The following AQP1 variants were observed in gnomAD, a reference collection of about 807,000 sequenced individuals.
The protein encoded by AQP1 is aquaporin-1.
In AQP1, 11 loss-of-function variants were observed where a neutral mutation model predicts 19.7. The observed-to-expected ratio is 0.56, with a 90% CI of 0.35 to 0.92. The LOEUF is 0.92. Among genes scored for constraint, AQP1 ranks in the 40% least tolerant of loss-of-function variants. The pLI is 0.01. For missense variants in AQP1, 320 were observed against 369.7 expected, an observed-to-expected ratio of 0.87 and a Z score of 1.10; for synonymous variants, 159 against 166.7, an observed-to-expected ratio of 0.95 and a Z score of 0.36.
chr7:30,923,942 G>T lies in AQP1; in HGVS notation c.*313G>T. The T allele has an allele frequency of 7.0e-7, 1 of 1,427,458 alleles. No homozygotes were observed. 88.4% of individuals were successfully genotyped at this position (1,427,458 alleles called of 1,614,324 possible). A position where few individuals can be genotyped will look rare whatever the true frequency, so the allele number is the denominator to read the frequency against. On this transcript the variant is annotated 3_prime_UTR_variant, in exon 4 of 4. Coordinates refer to ENST00000311813, the MANE Select transcript of AQP1 (RefSeq NM_198098.4). This position sits in a 1 kb window ranked among gnomAD's most constrained non-coding sequence, Gnocchi z 4.8. ...TCAGAGCATGATGGGAGGTGTGCCA[G>T]AAAGTCCCCCCTCGCCCCAAAGTTG...
intron 1 of AQP1, chr7:30,913,282 G>C (rs1791217318): frequency 6.6e-6 from 1 of 152,226 alleles, no homozygotes; most frequent in Non-Finnish European, 1.5e-5. Flanking sequence ...GCCTTTCCCA[G>C]CTCCTCAGAC....
At chr7:30,921,104 AT>A (rs1207854695) in intron 1 of AQP1, among the ~76,000 whole-genome samples, 1 of 152,200 alleles carries the variant, frequency 6.6e-6, no homozygotes, top group Non-Finnish European at 1.5e-5. Context: ...TCAAGTGGGC[AT>A]CTTTGCAAGT....
intron 1 of AQP1, among the ~76,000 whole-genome samples, chr7:30,917,551 G>A (rs1390754028): frequency 6.6e-6 from 1 of 152,170 alleles, no homozygotes; most frequent in Non-Finnish European, 1.5e-5. Context: ...CTATGTGGGT[G>A]TGTGACACAG....
chr7:30,913,792 G>A (rs1020389001), intron 1 of AQP1, among the ~76,000 whole-genome samples: 7 of 152,162 alleles, frequency 4.6e-5, no homozygotes, highest in African/African-American at 1.7e-4. Context: ...CAGTTTAGAC[G>A]TGGCCGCGGG....
Position 30,912,303 on chromosome 7 carries a change from G to T in AQP1, c.384+10G>T, listed in dbSNP as rs755295041. ...GCTTGGCCGCAATGACGTGAGTGGG[G>T]TGTCCCTGGGCTTGGGGGGGTTCTA... On this transcript the variant is annotated intron_variant, in intron 1 of 3. Transcript: ENST00000311813. The surrounding 1 kb of genome is among the most constrained non-coding windows in gnomAD (Gnocchi z 4.3). The T allele has an allele frequency of 2.5e-6, 4 of 1,598,020 alleles. No homozygotes were observed. The highest frequency in any genetic ancestry group is 2.2e-5 in the East Asian group (1 of 44,806).
chr7:30,919,161 C>T (rs1172011247), intron 1 of AQP1, among the ~76,000 whole-genome samples: 1 of 152,198 alleles, frequency 6.6e-6, no homozygotes, highest in Non-Finnish European at 1.5e-5. Context: ...AGTAAGCCTC[C>T]CCTCAGAGGC....
Position 30,923,491 on chromosome 7 carries a change from A to C in AQP1, c.672A>C (p.Val224=). Residue 224 remains valine, a synonymous_variant, in exon 4 of 4, where the codon GTA becomes GTC. Coordinates refer to ENST00000311813, the MANE Select transcript of AQP1 (RefSeq NM_198098.4). This position sits in a 1 kb window ranked among gnomAD's most constrained non-coding sequence, Gnocchi z 4.8. ...VGPFIGGALA[V]LIYDFILAPR... ...CATTCATCGGGGGAGCCCTGGCTGT[A>C]CTCATCTACGACTTCATCCTGGCCC... 1 of 1,613,836 alleles carries C rather than the reference A, an allele frequency of 6.2e-7. No homozygotes were observed. Among genetic ancestry groups the C allele is most frequent in the Non-Finnish European group, 8.5e-7 (1 of 1,179,930 alleles).
At chr7:30,921,864 A>G in intron 1 of AQP1, 2 of 1,539,248 alleles carry the variant, frequency 1.3e-6, no homozygotes, top group South Asian at 1.2e-5. Flanking sequence ...CTGGAGTTTC[A>G]TTAACACAGG....
At chr7:30,921,335 T>G (rs1277825521) in intron 1 of AQP1, 1 of 1,347,646 alleles carries the variant, frequency 7.4e-7, no homozygotes, top group African/African-American at 1.5e-5. Context: ...AGCCAGACGG[T>G]GGTGGCGGGG....
Position 30,923,934 on chromosome 7 carries a change from G to T in AQP1, c.*305G>T, listed in dbSNP as rs1014567870. 6 of 1,434,802 alleles carry T rather than the reference G, an allele frequency of 4.2e-6. No individual in the cohort carries two copies. Among genetic ancestry groups the T allele is most frequent in the Admixed American group, 3.7e-5 (2 of 54,526 alleles). 88.9% of individuals were successfully genotyped at this position (1,434,802 alleles called of 1,614,324 possible). On this transcript the variant is annotated 3_prime_UTR_variant, in exon 4 of 4. Coordinates refer to ENST00000311813, the MANE Select transcript of AQP1 (RefSeq NM_198098.4). This position sits in a 1 kb window ranked among gnomAD's most constrained non-coding sequence, Gnocchi z 4.8. ...GTCGCCCCTCAGAGCATGATGGGAGGTGTGCCAGAAAGTCCCCCCTCGCCC... is the reference window on the plus strand; with the variant it reads ...GTCGCCCCTCAGAGCATGATGGGAGTTGTGCCAGAAAGTCCCCCCTCGCCC...
Position 30,922,511 on chromosome 7 carries a change from C to G in AQP1, c.550-53C>G, listed in dbSNP as rs28362734. On this transcript the variant is annotated intron_variant, in intron 2 of 3. Transcript: ENST00000311813. ...CAACCTCTCCCTCCTCTCACTCTCT[C>G]TTCACCTATGACTCTCTGCCTTCGC... 2,228 of 1,538,408 alleles carry G rather than the reference C, an allele frequency of 1.4e-3. 28 individuals are homozygous for G. In the African/African-American group the frequency reaches 0.025, roughly 17 times the overall value.
rs199860979 is a variant in AQP1, at chr7:30,923,560, C to T, written c.741C>T (p.Ser247=). The T allele has an allele frequency of 1.7e-5, 28 of 1,613,938 alleles. No individual in the cohort carries two copies. The highest frequency in any genetic ancestry group is 1.7e-4 in the Middle Eastern group (1 of 6,060). Residue 247 remains serine (S), a synonymous_variant, in exon 4 of 4, where the codon AGC becomes AGT. Coordinates refer to ENST00000311813, the MANE Select transcript of AQP1 (RefSeq NM_198098.4). This position sits in a 1 kb window ranked among gnomAD's most constrained non-coding sequence, Gnocchi z 4.8. ...DLTDRVKVWT[S]GQVEEYDLDA... Reference sequence around the variant, plus strand: ...CAGACCGCGTGAAGGTGTGGACCAGCGGCCAGGTGGAGGAGTATGACCTGG... The same window carrying T: ...CAGACCGCGTGAAGGTGTGGACCAGTGGCCAGGTGGAGGAGTATGACCTGG...
At position 30,923,691 on chromosome 7, in the gene AQP1, G is replaced by T; in HGVS notation, c.*62G>T. ...GGCAGGGGCGGGCGGAGGGAGGGGA[G>T]GGGTGAAATCCATACTGTAGACACT... On this transcript the variant is annotated 3_prime_UTR_variant, in exon 4 of 4. Coordinates refer to ENST00000311813, the MANE Select transcript of AQP1 (RefSeq NM_198098.4). The surrounding 1 kb of genome is among the most constrained non-coding windows in gnomAD (Gnocchi z 4.8). 1 of 1,528,746 alleles carries T rather than the reference G, an allele frequency of 6.5e-7. No individual in the cohort carries two copies. Among genetic ancestry groups the T allele is most frequent in the Non-Finnish European group, 8.8e-7 (1 of 1,136,550 alleles). The allele number at this position is 1,528,746 out of a possible 1,614,324, so 94.7% of individuals were successfully genotyped here. A position where few individuals can be genotyped will look rare whatever the true frequency, so the allele number is the denominator to read the frequency against.
chr7:30,920,169 C>T (rs1015823111), intron 1 of AQP1, among the ~76,000 whole-genome samples: 5 of 152,126 alleles, frequency 3.3e-5, no homozygotes. Flanking sequence ...GAGGGTTCTC[C>T]AAGGCGGGAG....
intron 1 of AQP1, among the ~76,000 whole-genome samples, chr7:30,914,340 G>C (rs917447547): frequency 2.0e-5 from 3 of 152,190 alleles, no homozygotes; most frequent in African/African-American, 7.2e-5. Flanking sequence ...CCTCGAGAGG[G>C]AACTCAGGTC....
intron 1 of AQP1, among the ~76,000 whole-genome samples, chr7:30,920,716 C>T (rs780128885): frequency 1.7e-4 from 26 of 152,212 alleles, no homozygotes; most frequent in South Asian, 2.1e-4. Flanking sequence ...CACAGGGCTT[C>T]TGCCTCTTTG....
rs143245268 is a variant in AQP1 at position 30,922,596 on chromosome 7, T to A, written c.582T>A (p.Ala194=). ...ACACTGGCTGTGGGATTAACCCTGC[T>A]CGGTCCTTTGGCTCCGCGGTGATCA... ...IDYTGCGINP[A]RSFGSAVITH... is the part of the protein sequence containing the mutation. The change falls in exon 3 of 4, where the codon GCT becomes GCA. Residue 194 remains alanine, a synonymous_variant. Transcript: ENST00000311813. 2.0e-4 allele frequency: 326 copies of A among 1,614,022 alleles called. No homozygotes were observed. Among genetic ancestry groups the A allele is most frequent in the Non-Finnish European group, 2.5e-4 (299 of 1,180,030 alleles).
At position 30,912,993 on chromosome 7, in the gene AQP1, C is replaced by T. The variant is rs529014912; in HGVS notation, c.384+700C>T. Among the ~76,000 whole-genome samples, 242 of 151,184 alleles carry T rather than the reference C, an allele frequency of 1.6e-3. 1 individual carries two copies. Among genetic ancestry groups the T allele is most frequent in the Middle Eastern group, 6.8e-3 (2 of 294 alleles). The stretch of plus-strand genomic sequence containing the variant: ...TGGCGTGTGTGTGCATGTGCGTGTG[C>T]GTGTGTGTGTGTGAAGGTGTGTATG... On this transcript the variant is annotated intron_variant, in intron 1 of 3. Coordinates refer to ENST00000311813, the MANE Select transcript of AQP1 (RefSeq NM_198098.4). This position sits in a 1 kb window ranked among gnomAD's most constrained non-coding sequence, Gnocchi z 4.3.
intron 1 of AQP1, among the ~76,000 whole-genome samples, chr7:30,913,788 A>G (rs949788468): frequency 6.6e-6 from 1 of 152,134 alleles, no homozygotes; most frequent in Non-Finnish European, 1.5e-5. Context: ...TAGCCAGTTT[A>G]GACGTGGCCG....
Sources: gnomAD v4.1 joint callset for allele counts (sites outside exome capture counted in the v4.1 genomes callset) on GRCh38, gnomAD v4.1.1 for gene constraint, Gnocchi (gnomAD v3.1) non-coding constraint, MANE v1.5 for transcripts, NCBI Gene and HGNC (gene_info 2026-07-23, HGNC 2026-07-21) for gene names.